Variants in PYHIN1 observed in about 807,000 individuals in gnomAD.
PYHIN1 encodes pyrin and HIN domain family member 1, also known as pyrin and HIN domain-containing protein 1.
Under a neutral mutation model 43.7 loss-of-function variants are expected in PYHIN1, and 32 were observed. The observed-to-expected ratio is 0.73, with a 90% CI of 0.55 to 0.98. The LOEUF (loss-of-function observed/expected upper bound fraction) is 0.98, where lower values mean the gene tolerates loss of function less well. Among genes scored for constraint, PYHIN1 ranks in the 50% least tolerant of loss-of-function variants. The pLI is 0.00. For missense variants in PYHIN1, 588 were observed against 589.5 expected, an observed-to-expected ratio of 1.00 and a Z score of 0.03; for synonymous variants, 205 against 203.1, an observed-to-expected ratio of 1.01 and a Z score of -0.08.
the PYHIN1 span, among the ~76,000 whole-genome samples, chr1:158,983,492 C>T: frequency 3.3e-5 from 5 of 152,154 alleles, no homozygotes; most frequent in East Asian, 9.7e-4. Context: ...GTAAAGCTTA[C>T]TTGATCATGG....
chr1:158,976,478 G>T (rs937431508), intron 8 of PYHIN1, among the ~76,000 whole-genome samples: 3 of 151,928 alleles, frequency 2.0e-5, no homozygotes, highest in African/African-American at 7.3e-5. Flanking sequence ...GCTCATGCTG[G>T]GTAGGAGTGA....
the PYHIN1 span, among the ~76,000 whole-genome samples, chr1:158,989,882 TA>T: frequency 5.3e-5 from 8 of 150,162 alleles, no homozygotes; most frequent in African/African-American, 7.3e-5. Context: ...AATTTCCTGT[TA>T]AAAAAAAAAC....
chr1:158,979,867 G>T (rs1326943245), downstream of PYHIN1, among the ~76,000 whole-genome samples: 3 of 152,108 alleles, frequency 2.0e-5, no homozygotes, highest in Non-Finnish European at 4.4e-5. Context: ...TAGTTTTTCA[G>T]TCTTCACCCT....
intron 8 of PYHIN1, among the ~76,000 whole-genome samples, 186 bp from the exon 9 acceptor site, chr1:158,976,514 AG>A (rs1651266657): frequency 6.6e-6 from 1 of 151,924 alleles, no homozygotes. Flanking sequence ...GTCCCAACAG[AG>A]GGGGAAGATG....
In PYHIN1 at chr1:158,944,964, C is replaced by G; in HGVS notation, c.1281C>G (p.Ala427=). 6.2e-7 allele frequency: 1 copy of G among 1,613,850 alleles called. No homozygotes were observed. The highest frequency in any genetic ancestry group is 2.2e-5 in the East Asian group (1 of 44,872). Residue 427 remains alanine, a synonymous_variant, in exon 7 of 9, where the codon GCC becomes GCG. Coordinates refer to ENST00000368140, the MANE Select transcript of PYHIN1 (RefSeq NM_152501.5). ...GTCAGCATCCAAAACCTTCAGAGGCCAGCACAACCCTACCTGAAAGCCATC... is the reference window on the plus strand; with the variant it reads ...GTCAGCATCCAAAACCTTCAGAGGCGAGCACAACCCTACCTGAAAGCCATC... ...EQSQHPKPSE[A]STTLPESHLK...
intron 7 of PYHIN1, among the ~76,000 whole-genome samples, chr1:158,955,879 G>A (rs1366887071): frequency 1.3e-5 from 1 of 76,372 alleles, no homozygotes; most frequent in Non-Finnish European, 2.9e-5. Flanking sequence ...GAAAAAAAGA[G>A]AGAAGAATCA....
intron 6 of PYHIN1, among the ~76,000 whole-genome samples, chr1:158,944,278 A>T (rs1429730853): frequency 6.6e-6 from 1 of 152,234 alleles, no homozygotes; most frequent in Non-Finnish European, 1.5e-5. Flanking sequence ...GCAGTAAGAT[A>T]GGCTTGGTAT....
At chr1:158,974,899 T>G (rs1444616683) in intron 8 of PYHIN1, among the ~76,000 whole-genome samples, 1 of 152,078 alleles carries the variant, frequency 6.6e-6, no homozygotes, top group Non-Finnish European at 1.5e-5. Context: ...TAATTGAACA[T>G]CCCAGGACAA....
intron 7 of PYHIN1, among the ~76,000 whole-genome samples, chr1:158,949,492 A>T (rs1486474241): frequency 1.3e-5 from 2 of 151,426 alleles, no homozygotes; most frequent in East Asian, 3.9e-4. Context: ...CTAACTCGTC[A>T]TCTAGCATTA....
rs1438695590 is a variant in PYHIN1, at chr1:158,933,055, G to T, written c.-21+1279G>T. ...ATTTGTAAAAATGTTTTTTTACCTT[G>T]TTCATTTAGTATTGGAAGATATAAT... On this transcript the variant is annotated intron_variant, in intron 1 of 8. Transcript: ENST00000368140. The surrounding 1 kb of genome is among the most constrained non-coding windows in gnomAD (Gnocchi z 6.3). Among the ~76,000 whole-genome samples the T allele has an allele frequency of 6.6e-6, 1 of 151,704 alleles. No homozygotes were observed. The highest frequency in any genetic ancestry group is 1.5e-5 in the Non-Finnish European group (1 of 67,852).
intron 7 of PYHIN1, among the ~76,000 whole-genome samples, chr1:158,960,276 T>C (rs1650249026): frequency 6.6e-6 from 1 of 152,218 alleles, no homozygotes; most frequent in South Asian, 2.1e-4. Context: ...AGATCCATAT[T>C]CTCTTGGCCA....
intron 5 of PYHIN1, 42 bp from the exon 6 acceptor site, chr1:158,943,748 T>C (rs1649059003): frequency 1.3e-6 from 2 of 1,486,790 alleles, no homozygotes; most frequent in Non-Finnish European, 1.9e-6. Flanking sequence ...TGCACGGTAG[T>C]TACTATGTTC....
intron 7 of PYHIN1, among the ~76,000 whole-genome samples, chr1:158,949,371 T>TTTTTG (rs754537673): frequency 1.3e-5 from 2 of 152,194 alleles, no homozygotes; most frequent in Non-Finnish European, 2.9e-5. Flanking sequence ...TTCCTGGCTT[T>TTTTTG]TTTTGTTTTG....
downstream of PYHIN1, among the ~76,000 whole-genome samples, chr1:158,978,036 A>T (rs1007031597): frequency 1.3e-5 from 2 of 152,170 alleles, no homozygotes; most frequent in Non-Finnish European, 2.9e-5. Flanking sequence ...GAAGCTATAT[A>T]TGCCCAATTA....
At chr1:158,977,271 C>A (rs1651330050), downstream of PYHIN1, among the ~76,000 whole-genome samples, 1 of 151,980 alleles carries the variant, frequency 6.6e-6, no homozygotes, top group East Asian at 1.9e-4. Flanking sequence ...CTGTTGCAAG[C>A]ACTGTGTCCT....
At chr1:158,942,503 CAG>C (rs896759836) in intron 5 of PYHIN1, 104 bp downstream of exon 5, 30 of 892,884 alleles carry the variant, frequency 3.4e-5, no homozygotes, top group African/African-American at 5.1e-5. Context: ...CATTAAAACT[CAG>C]GACTCTCTCA....
At position 158,939,196 on chromosome 1, in the gene PYHIN1, C is replaced by T; in HGVS notation, c.528C>T (p.Ser176=). ...GASTSTAMGR[S]PPPQTSSSAP... Reference sequence around the variant, plus strand: ...GCACGTCCACAGCCATGGGCCGTTCCCCACCTCCCCAGACCTCATCATCAG... The same window carrying T: ...GCACGTCCACAGCCATGGGCCGTTCTCCACCTCCCCAGACCTCATCATCAG... The change falls in exon 4 of 9, where the codon TCC becomes TCT. Residue 176 remains serine (S), a synonymous_variant. Coordinates refer to ENST00000368140, the MANE Select transcript of PYHIN1 (RefSeq NM_152501.5). The T allele has an allele frequency of 6.2e-7, 1 of 1,613,376 alleles. No individual in the cohort carries two copies. Among genetic ancestry groups the T allele is most frequent in the Non-Finnish European group, 8.5e-7 (1 of 1,179,812 alleles).
chr1:158,985,967 T>G, the PYHIN1 span, among the ~76,000 whole-genome samples: 1 of 152,220 alleles, frequency 6.6e-6, no homozygotes, highest in African/African-American at 2.4e-5. Context: ...TCCAATTATA[T>G]TATGAAATTT....
At chr1:158,944,652 AT>A (rs1649120458) in intron 6 of PYHIN1, among the ~76,000 whole-genome samples, 1 of 152,196 alleles carries the variant, frequency 6.6e-6, no homozygotes, top group African/African-American at 2.4e-5. Flanking sequence ...ATTTTAAAAA[AT>A]AAGTGAATAA....
Sources: gnomAD v4.1 joint callset for allele counts (sites outside exome capture counted in the v4.1 genomes callset) on GRCh38, gnomAD v4.1.1 for gene constraint, Gnocchi (gnomAD v3.1) non-coding constraint, MANE v1.5 for transcripts, NCBI Gene and HGNC (gene_info 2026-07-23, HGNC 2026-07-21) for gene names.